The following FLT3 variants were observed in gnomAD, a reference collection of about 807,000 sequenced individuals.
The protein encoded by FLT3 is receptor-type tyrosine-protein kinase FLT3.
FLT3 carries 46 observed loss-of-function variants against 126.6 expected under a neutral mutation model. The ratio of observed to expected loss-of-function variants is 0.36; its 90% CI spans 0.29 to 0.46. FLT3 has a LOEUF of 0.46. Among genes scored for constraint, FLT3 ranks in the 20% least tolerant of loss-of-function variants. The probability of loss-of-function intolerance (pLI) is 1.00; values close to 1 mark genes in which losing one functional copy is unlikely to be tolerated. For missense variants in FLT3, 1,069 were observed against 1,190.3 expected (o/e 0.90, Z 1.50); for synonymous variants, 404 against 434.4 (o/e 0.93, Z 0.87).
intron 9 of FLT3, among the ~76,000 whole-genome samples, chr13:28,047,335 C>T (rs543143470): frequency 6.6e-6 from 1 of 152,250 alleles, no homozygotes; most frequent in East Asian, 1.9e-4. Context: ...TTTAAAGAGA[C>T]AAGAGATGTC....
At chr13:28,065,062 G>A (rs978389894) in intron 2 of FLT3, among the ~76,000 whole-genome samples, 1 of 152,146 alleles carries the variant, frequency 6.6e-6, no homozygotes, top group Non-Finnish European at 1.5e-5. Flanking sequence ...ACTGTTAAGT[G>A]AAGAAAGCTA....
intron 5 of FLT3, among the ~76,000 whole-genome samples, chr13:28,051,722 A>AT (rs1339496580): frequency 1.3e-5 from 2 of 149,550 alleles, no homozygotes; most frequent in Non-Finnish European, 3.0e-5. Flanking sequence ...TTTTTTTTGT[A>AT]TTTTTAGTAG....
At chr13:28,092,046 G>C (rs1208574671) in intron 1 of FLT3, among the ~76,000 whole-genome samples, 1 of 152,090 alleles carries the variant, frequency 6.6e-6, no homozygotes, top group Non-Finnish European at 1.5e-5. Context: ...CTCCAGCCTG[G>C]GTGATGGAGC....
At chr13:28,068,237 A>C (rs1156634445) in intron 2 of FLT3, 2 of 152,562 alleles carry the variant, frequency 1.3e-5, no homozygotes, top group Non-Finnish European at 2.9e-5. Flanking sequence ...GACAGGAAAA[A>C]AAAAACAGTA....
At chr13:28,040,859 G>T (rs1392858951) in intron 9 of FLT3, among the ~76,000 whole-genome samples, 1 of 151,172 alleles carries the variant, frequency 6.6e-6, no homozygotes, top group Non-Finnish European at 1.5e-5. Flanking sequence ...AATTAGCTGG[G>T]TGCGATGGCA....
intron 9 of FLT3, among the ~76,000 whole-genome samples, chr13:28,037,872 C>T (rs562452579): frequency 1.8e-4 from 27 of 152,282 alleles, no homozygotes; most frequent in East Asian, 9.6e-4. Context: ...GAATTGCACA[C>T]GCCAGGGATC....
At chr13:28,031,492 G>C (rs566486186) in intron 15 of FLT3, among the ~76,000 whole-genome samples, 2 of 152,256 alleles carry the variant, frequency 1.3e-5, no homozygotes, top group East Asian at 3.9e-4. Flanking sequence ...AGGCACAGGG[G>C]CTACTGGACA....
At chr13:28,070,945 T>G (rs1877447882) in intron 1 of FLT3, among the ~76,000 whole-genome samples, 1 of 149,802 alleles carries the variant, frequency 6.7e-6, no homozygotes, top group Non-Finnish European at 1.5e-5. Context: ...TATACATGAT[T>G]TGTGTGTGTG....
intron 23 of FLT3, 21 bp downstream of exon 23, chr13:28,014,431 A>G (rs765576611): frequency 5.9e-6 from 9 of 1,529,748 alleles, no homozygotes; most frequent in African/African-American, 1.4e-5. Context: ...AAAGCTTTAT[A>G]AAGTCCTGGC....
At chr13:28,010,787 G>A (rs1033477368) in intron 23 of FLT3, among the ~76,000 whole-genome samples, 15 of 152,052 alleles carry the variant, frequency 9.9e-5, no homozygotes, top group African/African-American at 3.1e-4. Flanking sequence ...CAGGCGAATC[G>A]CTTGACCTCA....
chr13:28,071,060 T>C (rs1386347262), intron 1 of FLT3, among the ~76,000 whole-genome samples: 1 of 149,510 alleles, frequency 6.7e-6, no homozygotes, highest in Non-Finnish European at 1.5e-5. Context: ...AGTGGCGCGT[T>C]CTTGGCTCAC....
intron 22 of FLT3, among the ~76,000 whole-genome samples, 160 bp from the exon 23 acceptor site, chr13:28,014,717 G>A (rs1028165452): frequency 1.4e-4 from 21 of 152,236 alleles, no homozygotes; most frequent in East Asian, 3.9e-4. Flanking sequence ...ATTCATATCC[G>A]AAAGGAGAAA....
chr13:28,049,607 T>C (rs762630497), intron 7 of FLT3, 28 bp downstream of exon 7: 3 of 1,613,630 alleles, frequency 1.9e-6, no homozygotes, highest in African/African-American at 2.7e-5. Flanking sequence ...TGTTCCTGCA[T>C]TTTCAGAATA....
intron 23 of FLT3, among the ~76,000 whole-genome samples, chr13:28,009,669 T>C (rs1871201763): frequency 6.6e-6 from 1 of 152,118 alleles, no homozygotes; most frequent in Non-Finnish European, 1.5e-5. Flanking sequence ...CAAGCGATCC[T>C]CCCACCTCAG....
chr13:28,054,211 G>A (rs1260405524), intron 4 of FLT3, among the ~76,000 whole-genome samples: 1 of 152,142 alleles, frequency 6.6e-6, no homozygotes, highest in Non-Finnish European at 1.5e-5. Context: ...AGCAGGATAT[G>A]AGAGCACCTA....
intron 1 of FLT3, among the ~76,000 whole-genome samples, chr13:28,071,146 C>T (rs1381030658): frequency 6.6e-6 from 1 of 151,112 alleles, no homozygotes; most frequent in Non-Finnish European, 1.5e-5. Context: ...AGGTGCCCGT[C>T]ACCGTGCCTG....
chr13:28,034,815 G>A (rs1056804966), intron 12 of FLT3, among the ~76,000 whole-genome samples: 25 of 152,062 alleles, frequency 1.6e-4, no homozygotes, highest in Admixed American at 1.2e-3. Flanking sequence ...TTAGCTGGGC[G>A]TGGTGGCAGG....
intron 9 of FLT3, among the ~76,000 whole-genome samples, chr13:28,042,128 A>C (rs2137702851): frequency 6.7e-6 from 1 of 148,992 alleles, no homozygotes; most frequent in South Asian, 2.1e-4. Context: ...CATGGGTGAG[A>C]GGGCAAGCCT....
intron 2 of FLT3, among the ~76,000 whole-genome samples, chr13:28,068,919 G>T (rs953626588): frequency 6.6e-6 from 1 of 152,100 alleles, no homozygotes; most frequent in Non-Finnish European, 1.5e-5. Context: ...AGCTTCCCTT[G>T]AGTAAATTTA....
Sources: gnomAD v4.1 joint callset for allele counts (sites outside exome capture counted in the v4.1 genomes callset) on GRCh38, gnomAD v4.1.1 for gene constraint, MANE v1.5 for transcripts, NCBI Gene and HGNC (gene_info 2026-07-23, HGNC 2026-07-21) for gene names.